The following RAD51B variants were observed in gnomAD, a reference collection of about 807,000 sequenced individuals.
RAD51B encodes the protein RAD51 paralog B, also known as DNA repair protein RAD51 homolog 2.
A neutral mutation model predicts 42.2 loss-of-function variants in RAD51B; 38 were observed. The ratio of observed to expected loss-of-function variants is 0.90; its 90% CI spans 0.70 to 1.18. The LOEUF (loss-of-function observed/expected upper bound fraction) is 1.18, where lower values mean the gene tolerates loss of function less well. Ranked by LOEUF, RAD51B falls within the 50% of genes most tolerant of loss-of-function variation. The pLI is 0.00. For synonymous variants in RAD51B, 154 were observed against 145.2 expected (o/e 1.06, Z -0.43); for missense variants, 373 against 400.7 (o/e 0.93, Z 0.59).
At chr14:68,482,946 G>C (rs1883315990), downstream of RAD51B, among the ~76,000 whole-genome samples, 1 of 152,164 alleles carries the variant, frequency 6.6e-6, no homozygotes, top group African/African-American at 2.4e-5. Context: ...AGACTCTCCA[G>C]ACAAGCTCTC....
Position 67,976,775 on chromosome 14 carries a change from G to T in RAD51B, c.756+89571G>T, listed in dbSNP as rs1387670943. Among the ~76,000 whole-genome samples, 6 of 152,134 alleles carry T rather than the reference G, an allele frequency of 3.9e-5. No homozygotes were observed. The South Asian group carries it at 8.3e-4, about 21-fold the overall frequency. The stretch of plus-strand genomic sequence containing the variant: ...AAAGAAACTACCATCAGAGTGAACA[G>T]GCATCGTACAGAATGGGAGAAAATT... On this transcript the variant is annotated intron_variant, in intron 7 of 10. Transcript: ENST00000471583.
At chr14:68,366,199 T>C (rs981519029) in intron 8 of RAD51B, among the ~76,000 whole-genome samples, 4 of 152,244 alleles carry the variant, frequency 2.6e-5, no homozygotes, top group Admixed American at 2.0e-4. Context: ...CTTATTTCTC[T>C]GGACCATCTG....
At position 68,583,156 on chromosome 14, in the gene RAD51B, T is replaced by TA. The variant is rs571136305; in HGVS notation, c.1037-11321dup. Among the ~76,000 whole-genome samples the TA allele has an allele frequency of 5.2e-4, 79 of 152,026 alleles. 2 individuals carry two copies. Among genetic ancestry groups the TA allele is most frequent in the South Asian group, 5.0e-3 (24 of 4,820 alleles). ...CCAGAACTTAAAGTATAATAAAAAA[T>TA]AAAAAAAATTTAAAAAAGAAATGTC... On this transcript the variant is annotated intron_variant, in intron 10 of 10. Coordinates refer to the RAD51B transcript ENST00000487270.
intron 8 of RAD51B, among the ~76,000 whole-genome samples, chr14:68,394,139 C>A (rs1382964818): frequency 6.6e-6 from 1 of 152,132 alleles, no homozygotes; most frequent in African/African-American, 2.4e-5. Flanking sequence ...ATGATAATTT[C>A]TCTGATCAAA....
At chr14:68,601,750 C>A (rs1254915207) in intron 10 of RAD51B, among the ~76,000 whole-genome samples, 1 of 152,090 alleles carries the variant, frequency 6.6e-6, no homozygotes, top group Non-Finnish European at 1.5e-5. Flanking sequence ...CCACTACCTC[C>A]CCTCCCTCTT....
chr14:68,592,634 G>T (rs1213763604), intron 10 of RAD51B, among the ~76,000 whole-genome samples: 1 of 152,158 alleles, frequency 6.6e-6, no homozygotes, highest in African/African-American at 2.4e-5. Context: ...TCATAGAAGC[G>T]ACCACTACAT....
intron 7 of RAD51B, among the ~76,000 whole-genome samples, chr14:68,246,411 G>T (rs542960072): frequency 2.6e-5 from 4 of 152,300 alleles, no homozygotes; most frequent in African/African-American, 9.6e-5. Context: ...TACAAACCAG[G>T]GAGATGGAGC....
chr14:67,884,196 G>A (rs910691451), intron 5 of RAD51B, among the ~76,000 whole-genome samples: 6 of 152,088 alleles, frequency 3.9e-5, no homozygotes, highest in Non-Finnish European at 8.8e-5. Flanking sequence ...CAGTTATTTA[G>A]CATGGTAACT....
At chr14:68,482,285 A>G (rs968775339), downstream of RAD51B, among the ~76,000 whole-genome samples, 8 of 152,116 alleles carry the variant, frequency 5.3e-5, no homozygotes, top group Admixed American at 3.3e-4. Flanking sequence ...GTCCTGGTGA[A>G]GATTCAGAAA....
chr14:67,934,459 A>G (rs1292534716), intron 7 of RAD51B, among the ~76,000 whole-genome samples: 2 of 152,238 alleles, frequency 1.3e-5, no homozygotes, highest in East Asian at 1.9e-4. Context: ...GTTGCTTACC[A>G]TTGTTTCATT....
intron 7 of RAD51B, among the ~76,000 whole-genome samples, chr14:68,284,817 C>T (rs1317341943): frequency 6.6e-6 from 1 of 151,850 alleles, no homozygotes; most frequent in Non-Finnish European, 1.5e-5. Context: ...AAAACTAAGC[C>T]AGCAAATACT....
chr14:68,610,871 G>GTGTGTGTGTGTT (rs1210596116), intron 10 of RAD51B: 50 of 628,938 alleles, frequency 7.9e-5, no homozygotes, highest in Non-Finnish European at 1.3e-4. Context: ...GTGTGTGTGT[G>GTGTGTGTGTGTT]TGTGTGTGTG....
At chr14:68,331,579 C>T (rs1355648247) in intron 8 of RAD51B, among the ~76,000 whole-genome samples, 1 of 151,964 alleles carries the variant, frequency 6.6e-6, no homozygotes, top group Non-Finnish European at 1.5e-5. Context: ...TTCATGCATC[C>T]ACATATCTAC....
At chr14:68,205,238 A>G (rs1481650161) in intron 7 of RAD51B, among the ~76,000 whole-genome samples, 6 of 152,240 alleles carry the variant, frequency 3.9e-5, no homozygotes, top group Admixed American at 3.9e-4. Context: ...GATGAGTGAC[A>G]GAATGAAAAT....
chr14:67,846,092 G>T (rs2041601883), intron 4 of RAD51B, among the ~76,000 whole-genome samples: 1 of 152,192 alleles, frequency 6.6e-6, no homozygotes, highest in Non-Finnish European at 1.5e-5. Flanking sequence ...GGTGGTGGCA[G>T]TGGGATCTGT....
intron 7 of RAD51B, among the ~76,000 whole-genome samples, chr14:68,241,670 A>T (rs1395313304): frequency 9.3e-5 from 14 of 150,538 alleles, no homozygotes; most frequent in East Asian, 1.9e-4. Flanking sequence ...CTCAGGTTTT[A>T]TTTTTTTTTT....
chr14:68,589,241 C>T (rs907156063), intron 10 of RAD51B, among the ~76,000 whole-genome samples: 2 of 152,128 alleles, frequency 1.3e-5, no homozygotes, highest in Admixed American at 6.5e-5. Context: ...TTAGAAGAGG[C>T]GAGCCTTGAA....
At chr14:68,473,313 G>A (rs1248770279) in intron 10 of RAD51B, among the ~76,000 whole-genome samples, 1 of 152,202 alleles carries the variant, frequency 6.6e-6, no homozygotes, top group Admixed American at 6.5e-5. Flanking sequence ...AAGCAGGCCT[G>A]TCACATTGTC....
At chr14:68,020,611 A>G (rs1362717839) in intron 7 of RAD51B, among the ~76,000 whole-genome samples, 2 of 152,182 alleles carry the variant, frequency 1.3e-5, no homozygotes, top group Non-Finnish European at 2.9e-5. Context: ...GTTAATATGT[A>G]AATATTCATA....
Sources: gnomAD v4.1 joint callset for allele counts (sites outside exome capture counted in the v4.1 genomes callset) on GRCh38, gnomAD v4.1.1 for gene constraint, MANE v1.5 for transcripts, NCBI Gene and HGNC (gene_info 2026-07-23, HGNC 2026-07-21) for gene names.